Variants in DIAPH2 observed in about 807,000 individuals in gnomAD.
DIAPH2 encodes protein diaphanous homolog 2.
DIAPH2 carries 35 observed loss-of-function variants against 92.7 expected under a neutral mutation model. The ratio of observed to expected loss-of-function variants is 0.38; its 90% CI spans 0.29 to 0.50. The LOEUF is 0.50. Ranked by LOEUF, DIAPH2 falls within the 20% of genes least tolerant of loss-of-function variation. The pLI, the probability that DIAPH2 is intolerant of heterozygous loss-of-function variation, is 0.94. For synonymous variants in DIAPH2, 301 were observed against 280.4 expected (o/e 1.07, Z -0.73); for missense variants, 701 against 819.5 (o/e 0.86, Z 1.77).
intron 26 of DIAPH2, among the ~76,000 whole-genome samples, chrX:97,546,132 G>A (rs1048826651): frequency 6.3e-5 from 7 of 110,930 alleles, no homozygotes; most frequent in African/African-American, 2.0e-4. Flanking sequence ...GGTTTAAATC[G>A]TGTTTTTCTA....
chrX:96,785,403 C>T (rs950380203), intron 4 of DIAPH2, among the ~76,000 whole-genome samples: 2 of 108,417 alleles, frequency 1.8e-5, no homozygotes, highest in African/African-American at 3.4e-5. Flanking sequence ...CTGGAGGGTG[C>T]CACGGACAAT....
chrX:97,296,845 G>A (rs1301748886), intron 23 of DIAPH2, among the ~76,000 whole-genome samples: 2 of 106,225 alleles, frequency 1.9e-5, no homozygotes, highest in African/African-American at 6.9e-5. Flanking sequence ...TGGCATGATC[G>A]CGGCTCACCG....
intron 26 of DIAPH2, among the ~76,000 whole-genome samples, chrX:97,586,247 A>T (rs1051619417): frequency 8.9e-6 from 1 of 112,171 alleles, no homozygotes; most frequent in African/African-American, 3.2e-5. Context: ...AACTGAACTC[A>T]TCATCACCTG....
chrX:96,723,391 A>G (rs984612042), intron 1 of DIAPH2, among the ~76,000 whole-genome samples: 1 of 111,926 alleles, frequency 8.9e-6, no homozygotes, highest in African/African-American at 3.3e-5. Context: ...TTATGTTGAA[A>G]TAAGTGGCTG....
At chrX:96,814,073 C>G (rs2064709958) in intron 4 of DIAPH2, among the ~76,000 whole-genome samples, 1 of 111,532 alleles carries the variant, frequency 9.0e-6, no homozygotes, top group Admixed American at 9.5e-5. Flanking sequence ...GTTGGCCTGA[C>G]TTGCTAGTTT....
intron 23 of DIAPH2, among the ~76,000 whole-genome samples, chrX:97,286,494 T>C (rs2068544591): frequency 8.9e-6 from 1 of 111,734 alleles, no homozygotes; most frequent in African/African-American, 3.3e-5. Flanking sequence ...TTTTCTGCTT[T>C]GAGACCCTCC....
At chrX:97,375,277 G>A (rs1370668530) in intron 24 of DIAPH2, among the ~76,000 whole-genome samples, 2 of 111,101 alleles carry the variant, frequency 1.8e-5, no homozygotes, top group Non-Finnish European at 3.8e-5. Context: ...CCAACATGGT[G>A]AAACCCCGTC....
Position 96,704,917 on chromosome X carries a change from T to TCC in DIAPH2, c.132+19729_132+19730dup, listed in dbSNP as rs779335117. ...CTGAGTCACTGGGAACTTCTCTTCCTCCCTCCACGTACTTACTCCAAGGGA... is the reference window on the plus strand; with the variant it reads ...CTGAGTCACTGGGAACTTCTCTTCCTCCCCCTCCACGTACTTACTCCAAGGGA... On this transcript the variant is annotated intron_variant, in intron 1 of 26. Coordinates refer to ENST00000324765, the MANE Select transcript of DIAPH2 (RefSeq NM_006729.5). 2.4e-3 allele frequency among the ~76,000 whole-genome samples: 263 copies of TCC among 107,378 alleles called. 3 individuals carry two copies. Among genetic ancestry groups the TCC allele is most frequent in the African/African-American group, 8.5e-3 (251 of 29,413 alleles). The allele number at this position is 107,378 out of a possible 115,157, so 93.2% of individuals were successfully genotyped here.
chrX:97,419,992 A>G (rs2069991187), intron 25 of DIAPH2, among the ~76,000 whole-genome samples: 1 of 111,692 alleles, frequency 9.0e-6, no homozygotes, highest in African/African-American at 3.3e-5. Context: ...TATTTAAAAT[A>G]TCGAATGTGA....
At chrX:96,923,326 A>G (rs746049656) in intron 9 of DIAPH2, among the ~76,000 whole-genome samples, 2 of 112,247 alleles carry the variant, frequency 1.8e-5, no homozygotes, top group Non-Finnish European at 3.8e-5. Flanking sequence ...GATATGGTAC[A>G]CAAAAACAGA....
intron 1 of DIAPH2, among the ~76,000 whole-genome samples, chrX:96,686,613 C>G (rs1160363993): frequency 9.0e-6 from 1 of 111,540 alleles, no homozygotes. Context: ...TACGGTAGAA[C>G]AAGATTTGAA....
At chrX:96,875,984 G>A (rs1462449043) in intron 4 of DIAPH2, among the ~76,000 whole-genome samples, 24 of 111,063 alleles carry the variant, frequency 2.2e-4, no homozygotes, top group African/African-American at 7.8e-4. Context: ...GCAACCTACA[G>A]AATGGGAGAA....
At chrX:97,185,381 GTATATATATATGTGTATA>G (rs2067579894) in intron 22 of DIAPH2, among the ~76,000 whole-genome samples, 1 of 27,900 alleles carries the variant, frequency 3.6e-5, no homozygotes, top group African/African-American at 2.6e-4. Flanking sequence ...ATATATATAT[GTATATATATATGTGTATA>G]TATATATATA....
At chrX:97,075,396 G>A (rs1245555708) in intron 19 of DIAPH2, 135 bp downstream of exon 19, 3 of 351,747 alleles carry the variant, frequency 8.5e-6, no homozygotes, top group Non-Finnish European at 1.5e-5. Flanking sequence ...AATAAAATCA[G>A]GAATATCTAG....
At chrX:97,494,139 A>C (rs111919118) in intron 26 of DIAPH2, among the ~76,000 whole-genome samples, 1 of 63,520 alleles carries the variant, frequency 1.6e-5, no homozygotes, top group Non-Finnish European at 3.2e-5. Context: ...GTGTGTGTGT[A>C]TATATGTATA....
chrX:97,583,150 G>A (rs766901364), intron 26 of DIAPH2, among the ~76,000 whole-genome samples: 22 of 111,594 alleles, frequency 2.0e-4, no homozygotes, highest in South Asian at 7.6e-4. Flanking sequence ...TAATTTGATC[G>A]TCTGAAGTCT....
chrX:97,300,617 T>TA (rs11325055), intron 23 of DIAPH2, among the ~76,000 whole-genome samples: 24 of 88,546 alleles, frequency 2.7e-4, no homozygotes, highest in South Asian at 6.0e-4. Context: ...AAAGCTTATT[T>TA]AAAAAAAAAA....
intron 26 of DIAPH2, chrX:97,533,384 C>G (rs1268271203): frequency 9.0e-6 from 1 of 111,550 alleles, no homozygotes; most frequent in African/African-American, 3.3e-5. Context: ...GTTATGTCTT[C>G]TTAGTCTCCT....
At chrX:97,402,198 C>T (rs1410659305) in intron 25 of DIAPH2, among the ~76,000 whole-genome samples, 1 of 81,814 alleles carries the variant, frequency 1.2e-5, no homozygotes, top group South Asian at 8.7e-4. Context: ...AAGGAATGAT[C>T]ATTTGCATCG....
Sources: allele counts gnomAD v4.1 joint callset (sites outside exome capture counted in the v4.1 genomes callset), GRCh38; gene constraint gnomAD v4.1.1; transcripts MANE v1.5; gene names NCBI Gene and HGNC (gene_info 2026-07-23, HGNC 2026-07-21).